Variants in ANKRD17 observed in about 807,000 individuals in gnomAD.
ANKRD17 encodes ankyrin repeat domain 17, also known as ankyrin repeat domain-containing protein 17.
Under a neutral mutation model 229.7 loss-of-function variants are expected in ANKRD17, and 19 were observed. That is an observed-to-expected ratio of 0.08 (90% CI 0.06 to 0.12). The LOEUF is 0.12. Among genes scored for constraint, ANKRD17 ranks in the 10% least tolerant of loss-of-function variants. ANKRD17 has a pLI of 1.00. For synonymous variants in ANKRD17, 1,112 were observed against 1,146.1 expected (o/e 0.97, Z 0.60); for missense variants, 2,176 against 3,176.8 (o/e 0.68, Z 7.57).
chr4:73,095,781 C>T (rs1488447821), intron 27 of ANKRD17, among the ~76,000 whole-genome samples: 1 of 151,910 alleles, frequency 6.6e-6, no homozygotes, highest in Non-Finnish European at 1.5e-5. Context: ...CCTCAAACTC[C>T]TGGGCATAAG....
At position 73,102,467 on chromosome 4, in the gene ANKRD17, T is replaced by A. The variant is rs770717095; in HGVS notation, c.4482A>T (p.Glu1494Asp). 1 of 1,606,900 alleles carries A rather than the reference T, an allele frequency of 6.2e-7. No homozygotes were observed. The highest frequency in any genetic ancestry group is 1.3e-5 in the African/African-American group (1 of 74,302). ...RKEKRRKKKE[E>D]QRRKLEEIEA... is the part of the protein sequence containing the mutation. ...CAATTTCTTCTAGTTTCCTTCTTTG[T>A]TCTTCCTTTTTCTTCCTTCTCTTCT... is the stretch of plus-strand genomic sequence containing the variant. Residue 1494 changes from glutamate to aspartate, a missense_variant, in exon 25 of 34, where the codon GAA (glutamate) becomes GAT (aspartate). By Grantham distance (45) the Glu-to-Asp change is conservative. Around this residue, in one of 18 missense-constraint regions of ANKRD17, gnomAD observed 14 missense variants for 36.1 expected, o/e 0.39. Transcript: ENST00000358602.
chr4:73,121,882 G>T, intron 18 of ANKRD17, 123 bp from the exon 19 acceptor site: 1 of 992,738 alleles, frequency 1.0e-6, no homozygotes, highest in Non-Finnish European at 1.4e-6. Flanking sequence ...CTTCCTTCAT[G>T]CTCTGCATAA....
intron 11 of ANKRD17, among the ~76,000 whole-genome samples, chr4:73,144,035 C>G (rs1729929835): frequency 6.6e-6 from 1 of 152,284 alleles, no homozygotes; most frequent in South Asian, 2.1e-4. Flanking sequence ...GCCACCACAC[C>G]TGGCTTCCTC....
At chr4:73,108,546 T>A (rs911385496) in intron 24 of ANKRD17, among the ~76,000 whole-genome samples, 3 of 152,144 alleles carry the variant, frequency 2.0e-5, no homozygotes, top group African/African-American at 7.2e-5. Context: ...AAAAAGAGCC[T>A]GTAGTGGCAT....
intron 1 of ANKRD17, among the ~76,000 whole-genome samples, chr4:73,250,952 G>A (rs1744967747): frequency 6.6e-6 from 1 of 151,896 alleles, no homozygotes; most frequent in Admixed American, 6.6e-5. Context: ...TTTATCTCTA[G>A]TCTCACTCAG....
At chr4:73,104,391 GAGAAGTGTGCTT>G (rs2148619486) in intron 24 of ANKRD17, among the ~76,000 whole-genome samples, 1 of 152,304 alleles carries the variant, frequency 6.6e-6, no homozygotes, top group South Asian at 2.1e-4. Context: ...GTGAAGGAGG[GAGAAGTGTGCTT>G]GTTCTGTCTA....
At position 73,182,051 on chromosome 4, in the gene ANKRD17, C is replaced by CAAAAAAAAAAAAAAA. The variant is rs143812968; in HGVS notation, c.394-4533_394-4519dup. Among the ~76,000 whole-genome samples the CAAAAAAAAAAAAAAA allele has an allele frequency of 2.1e-4, 9 of 43,260 alleles. 1 individual carries two copies. The highest frequency in any genetic ancestry group is 2.9e-4 in the Non-Finnish European group (8 of 27,446). 28.4% of individuals were successfully genotyped at this position (43,260 alleles called of 152,430 possible). A position where few individuals can be genotyped will look rare whatever the true frequency, so the allele number is the denominator to read the frequency against. On this transcript the variant is annotated intron_variant, in intron 1 of 33. Transcript: ENST00000358602. ...CGACAGAGCAAGACTCCGTCCCCAC[C>CAAAAAAAAAAAAAAA]AAAAAAAAAAAAAAAAAAAAAAAAA...
intron 1 of ANKRD17, among the ~76,000 whole-genome samples, chr4:73,229,935 T>C (rs886372140): frequency 2.6e-5 from 4 of 152,134 alleles, no homozygotes; most frequent in Non-Finnish European, 5.9e-5. Context: ...TTTTAAAGCA[T>C]GAAATTCTAA....
chr4:73,220,854 G>C (rs777962241), intron 1 of ANKRD17, among the ~76,000 whole-genome samples: 4 of 152,116 alleles, frequency 2.6e-5, no homozygotes, highest in Non-Finnish European at 5.9e-5. Context: ...GTGGTATACA[G>C]ATGAACTTCA....
At chr4:73,138,819 A>G (rs1187641785) in intron 15 of ANKRD17, among the ~76,000 whole-genome samples, 1 of 152,170 alleles carries the variant, frequency 6.6e-6, no homozygotes, top group Non-Finnish European at 1.5e-5. Flanking sequence ...GCATAAAAAC[A>G]GTCTTCTAAA....
chr4:73,235,872 T>C (rs141026994), intron 1 of ANKRD17, among the ~76,000 whole-genome samples: 4 of 149,756 alleles, frequency 2.7e-5, no homozygotes, highest in African/African-American at 7.3e-5. Flanking sequence ...TTTTCTTTTT[T>C]TTTTTGGTTT....
chr4:73,179,488 G>GTGTATATATACATATA (rs1491132715), intron 1 of ANKRD17, among the ~76,000 whole-genome samples: 2 of 48,238 alleles, frequency 4.1e-5, no homozygotes, highest in African/African-American at 1.8e-4. Context: ...GTGTGTGTGT[G>GTGTATATATACATATA]TATATATATA....
intron 3 of ANKRD17, 137 bp from the exon 4 acceptor site, chr4:73,156,303 T>C (rs759566992): frequency 7.6e-6 from 8 of 1,054,482 alleles, no homozygotes; most frequent in Non-Finnish European, 1.0e-5. Context: ...GGGGGTACAG[T>C]GATGCAATCA....
intron 1 of ANKRD17, among the ~76,000 whole-genome samples, chr4:73,210,750 A>G (rs531507819): frequency 6.6e-6 from 1 of 152,088 alleles, no homozygotes; most frequent in African/African-American, 2.4e-5. Context: ...TATCTCCATT[A>G]TGAGGGCCCA....
At chr4:73,092,322 T>A (rs1481350500) in intron 28 of ANKRD17, 22 bp from the exon 29 acceptor site, 7 of 1,556,502 alleles carry the variant, frequency 4.5e-6, no homozygotes, top group African/African-American at 4.1e-5. Flanking sequence ...GAAAAAAAAA[T>A]TAGGTAGAAT....
At chr4:73,215,592 A>G (rs1740919794) in intron 1 of ANKRD17, among the ~76,000 whole-genome samples, 1 of 152,182 alleles carries the variant, frequency 6.6e-6, no homozygotes, top group Non-Finnish European at 1.5e-5. Context: ...GCAGAATAAA[A>G]GAAACCAGTA....
chr4:73,102,185 T>C (rs1335482414), intron 25 of ANKRD17, among the ~76,000 whole-genome samples, 191 bp downstream of exon 25: 1 of 152,150 alleles, frequency 6.6e-6, no homozygotes, highest in Admixed American at 6.6e-5. Flanking sequence ...GGTCTTGAAC[T>C]CTTAGACTCA....
At chr4:73,225,607 C>T (rs555934334) in intron 1 of ANKRD17, among the ~76,000 whole-genome samples, 10 of 152,142 alleles carry the variant, frequency 6.6e-5, no homozygotes, top group Non-Finnish European at 1.0e-4. Flanking sequence ...TCCTGTAATC[C>T]CAGCACTCTG....
At chr4:73,222,740 A>G (rs1012710437) in intron 1 of ANKRD17, among the ~76,000 whole-genome samples, 2 of 152,178 alleles carry the variant, frequency 1.3e-5, no homozygotes, top group Non-Finnish European at 2.9e-5. Context: ...TAACAAACAT[A>G]TATCTACAAT....
Sources: allele counts gnomAD v4.1 joint callset (sites outside exome capture counted in the v4.1 genomes callset), GRCh38; gene constraint gnomAD v4.1.1; regional missense constraint gnomAD v4.1.1; transcripts MANE v1.5; gene names NCBI Gene and HGNC (gene_info 2026-07-23, HGNC 2026-07-21).